Variants in RELN observed in about 807,000 individuals in gnomAD.
RELN encodes reelin.
RELN carries 108 observed loss-of-function variants against 427.6 expected under a neutral mutation model. The observed-to-expected ratio is 0.25, with a 90% CI of 0.22 to 0.30. The LOEUF is 0.30. Among genes scored for constraint, RELN ranks in the 10% least tolerant of loss-of-function variants. RELN has a pLI of 1.00. For synonymous variants in RELN, 1,524 were observed against 1,513.4 expected (o/e 1.01, Z -0.16); for missense variants, 3,715 against 4,302.8 (o/e 0.86, Z 3.82).
At position 103,561,877 on chromosome 7, in the gene RELN, C is replaced by A. The variant is rs1830649930; in HGVS notation, c.5287G>T (p.Val1763Leu). 1.3e-6 allele frequency: 2 copies of A among 1,537,492 alleles called. No homozygotes were observed. Among genetic ancestry groups the A allele is most frequent in the Admixed American group, 3.6e-5 (2 of 56,230 alleles). Residue 1763 changes from valine to leucine, a missense_variant, in exon 35 of 65, where the codon GTA becomes TTA. This residue lies in a region of RELN where 2,208 missense variants were observed against 2,361.7 expected (regional missense o/e 0.93). Coordinates refer to ENST00000428762, the MANE Select transcript of RELN (RefSeq NM_005045.4). ...GADSWAIDNVVLASGCPWMCS... is the reference protein window; with the variant it reads ...GADSWAIDNVLLASGCPWMCS... ...ATCCAAGGGCACCCTGAGGCCAGTACAACATTATCAATCGCCCAGGAATCA... is the reference window on the plus strand; with the variant it reads ...ATCCAAGGGCACCCTGAGGCCAGTAAAACATTATCAATCGCCCAGGAATCA...
At chr7:103,481,755 A>C (rs986529676) in intron 63 of RELN, among the ~76,000 whole-genome samples, 1 of 152,196 alleles carries the variant, frequency 6.6e-6, no homozygotes, top group South Asian at 2.1e-4. Flanking sequence ...TCATTTCAGC[A>C]CCCAGGTTAT....
rs1188244595 is a variant in RELN, at chr7:103,905,542, G to T, written c.337+11533C>A. 2.6e-5 allele frequency among the ~76,000 whole-genome samples: 4 copies of T among 152,206 alleles called. No homozygotes were observed. In the East Asian group the frequency reaches 7.7e-4, roughly 29 times the overall value. ...TCCTCCCCACCCGCCACCCCACCTG[G>T]CCCAGTCTATACCCAAACACTTGTG... On this transcript the variant is annotated intron_variant, in intron 2 of 64. Transcript: ENST00000428762.
chr7:103,636,448 C>T lies in RELN; in HGVS notation c.2090G>A (p.Gly697Asp), dbSNP rs761804209. The change falls in exon 18 of 65, where the codon GGC becomes GAC. Residue 697 changes from glycine to aspartate, a missense_variant. Physicochemically the swap from Gly to Asp is moderately conservative, Grantham distance 94 (BLOSUM62 -1). Transcript: ENST00000428762. ...HGCKCDPGFS[G>D]PACEMASQTF... ...CTGGGATGCCATCTCACAAGCTGGG[C>T]CAGAAAATCCAGGGTCACACCTGAA... The T allele has an allele frequency of 3.9e-5, 63 of 1,612,098 alleles. 1 individual carries two copies. In the South Asian group the frequency reaches 6.8e-4, roughly 17 times the overall value.
chr7:103,564,977 A>G (rs1275875594), intron 34 of RELN, among the ~76,000 whole-genome samples: 1 of 152,216 alleles, frequency 6.6e-6, no homozygotes, highest in African/African-American at 2.4e-5. Context: ...TTTTGTGTGA[A>G]TAAGTATCAG....
chr7:103,871,840 A>T (rs1287775574), intron 2 of RELN, among the ~76,000 whole-genome samples: 2 of 152,036 alleles, frequency 1.3e-5, no homozygotes, highest in African/African-American at 4.8e-5. Flanking sequence ...TGCTTTGCTC[A>T]TTGGTGTATT....
intron 3 of RELN, among the ~76,000 whole-genome samples, chr7:103,826,319 A>AGTGTGT (rs768090469): frequency 0.018 from 2,526 of 137,550 alleles, 47 homozygotes; most frequent in East Asian, 0.026. Flanking sequence ...AGACTAAGAC[A>AGTGTGT]ATGTGTGTGT....
chr7:103,631,308 T>TTTTTTG lies in RELN; in HGVS notation c.2466-1133_2466-1132insCAAAAA, dbSNP rs1554394543. Among the ~76,000 whole-genome samples the TTTTTTG allele has an allele frequency of 4.2e-5, 5 of 117,704 alleles. 1 individual carries two copies. Among genetic ancestry groups the TTTTTTG allele is most frequent in the African/African-American group, 1.8e-4 (5 of 28,028 alleles). 77.2% of individuals were successfully genotyped at this position (117,704 alleles called of 152,430 possible). On this transcript the variant is annotated intron_variant, in intron 19 of 64. Transcript: ENST00000428762. ...CTTCTTTTTTTTTTTTTTTTTTTTT[T>TTTTTTG]TTTGAGATGGAGTCTTGCGCTGTTG...
intron 2 of RELN, among the ~76,000 whole-genome samples, chr7:103,852,902 G>C (rs1460766578): frequency 6.6e-6 from 1 of 151,872 alleles, no homozygotes; most frequent in Non-Finnish European, 1.5e-5. Context: ...AATTCCAATA[G>C]TGCCTAGACA....
In RELN at chr7:103,846,356, G is replaced by C. The variant is rs141870213; in HGVS notation, c.338-12684C>G. On this transcript the variant is annotated intron_variant, in intron 2 of 64. Coordinates refer to ENST00000428762, the MANE Select transcript of RELN (RefSeq NM_005045.4). ...ATTCCCTACTTAATAAATGATGTTGGGAAAACTGGCTAGCCATACGCAGAA... is the reference window on the plus strand; with the variant it reads ...ATTCCCTACTTAATAAATGATGTTGCGAAAACTGGCTAGCCATACGCAGAA... Among the ~76,000 whole-genome samples, 1,105 of 152,244 alleles carry C rather than the reference G, an allele frequency of 7.3e-3. 19 individuals carry two copies. Among genetic ancestry groups the C allele is most frequent in the African/African-American group, 0.026 (1,060 of 41,548 alleles).
chr7:103,574,651 T>A (rs1454763939), intron 29 of RELN, among the ~76,000 whole-genome samples: 1 of 152,124 alleles, frequency 6.6e-6, no homozygotes, highest in Non-Finnish European at 1.5e-5. Context: ...CTAGGATCAA[T>A]AGGGGCAGTC....
intron 8 of RELN, among the ~76,000 whole-genome samples, chr7:103,713,212 G>A (rs759515459): frequency 6.6e-6 from 1 of 152,194 alleles, no homozygotes; most frequent in African/African-American, 2.4e-5. Flanking sequence ...CCTGCAGCGC[G>A]AGTGCTGCCA....
chr7:103,936,281 T>A (rs1158368903), intron 1 of RELN, among the ~76,000 whole-genome samples: 1 of 152,056 alleles, frequency 6.6e-6, no homozygotes, highest in African/African-American at 2.4e-5. Context: ...TTAGTAGAGA[T>A]GGCGTTTCAA....
intron 2 of RELN, among the ~76,000 whole-genome samples, chr7:103,869,930 A>G (rs898919174): frequency 6.6e-6 from 1 of 152,042 alleles, no homozygotes; most frequent in Non-Finnish European, 1.5e-5. Flanking sequence ...CTTTCTTCAA[A>G]CTCTGTCGCA....
intron 1 of RELN, among the ~76,000 whole-genome samples, chr7:103,940,542 C>T (rs1263053557): frequency 6.6e-6 from 1 of 152,182 alleles, no homozygotes; most frequent in East Asian, 1.9e-4. Context: ...ACTATCTCTG[C>T]TGTCCAGCAG....
chr7:103,987,642 G>C (rs966382664), intron 1 of RELN, among the ~76,000 whole-genome samples: 1 of 152,130 alleles, frequency 6.6e-6, no homozygotes, highest in Admixed American at 6.5e-5. Context: ...GGAGCAGCAG[G>C]CTGTCAATCA....
intron 3 of RELN, among the ~76,000 whole-genome samples, chr7:103,796,767 A>T (rs1792307848): frequency 6.6e-6 from 1 of 151,878 alleles, no homozygotes; most frequent in Admixed American, 6.6e-5. Flanking sequence ...AGGTTGAGGC[A>T]GAAGAATCGC....
At chr7:103,868,553 G>C (rs1185547169) in intron 2 of RELN, among the ~76,000 whole-genome samples, 1 of 151,978 alleles carries the variant, frequency 6.6e-6, no homozygotes, top group Non-Finnish European at 1.5e-5. Context: ...TAGTGCTAGG[G>C]AAAGTCTGTC....
intron 1 of RELN, among the ~76,000 whole-genome samples, chr7:103,962,856 T>C (rs1263266807): frequency 6.6e-6 from 1 of 152,208 alleles, no homozygotes; most frequent in African/African-American, 2.4e-5. Context: ...ATTATGAGTT[T>C]AGCTGATAGG....
chr7:103,478,963 T>A (rs1368327108), intron 63 of RELN, among the ~76,000 whole-genome samples: 1 of 152,222 alleles, frequency 6.6e-6, no homozygotes, highest in African/African-American at 2.4e-5. Context: ...TCATTTTAAA[T>A]TCTGATAAAT....
Sources: gnomAD v4.1 joint callset for allele counts (sites outside exome capture counted in the v4.1 genomes callset) on GRCh38, gnomAD v4.1.1 for gene constraint, gnomAD v4.1.1 regional missense constraint, MANE v1.5 for transcripts, NCBI Gene and HGNC (gene_info 2026-07-23, HGNC 2026-07-21) for gene names.